CYP3A4: variants seen among roughly 807,000 people sequenced by gnomAD.
CYP3A4 encodes cytochrome P450 3A4.
A neutral mutation model predicts 54.9 loss-of-function variants in CYP3A4; 41 were observed. That is an observed-to-expected ratio of 0.75 (90% CI 0.58 to 0.97). The LOEUF (loss-of-function observed/expected upper bound fraction) is 0.97, where lower values mean the gene tolerates loss of function less well. CYP3A4 is among the 50% of genes least tolerant of loss of function. CYP3A4 has a pLI of 0.00. For missense variants in CYP3A4, 510 were observed against 597.3 expected (o/e 0.85, Z 1.52); for synonymous variants, 179 against 205.2 (o/e 0.87, Z 1.09).
At chr7:99,759,147 A>G (rs1407408590) in intron 12 of CYP3A4, among the ~76,000 whole-genome samples, 1 of 152,218 alleles carries the variant, frequency 6.6e-6, no homozygotes, top group Non-Finnish European at 1.5e-5. Flanking sequence ...TAAAGCCACA[A>G]ATAATATGGA....
intron 9 of CYP3A4, 121 bp downstream of exon 9, chr7:99,766,256 C>T (rs1815473381): frequency 8.4e-7 from 1 of 1,192,314 alleles, no homozygotes; most frequent in South Asian, 1.4e-5. Context: ...AACATTCAAA[C>T]ATGTGTCGTT....
At chr7:99,767,528 C>A (rs1030882709) in intron 7 of CYP3A4, among the ~76,000 whole-genome samples, 6 of 152,166 alleles carry the variant, frequency 3.9e-5, no homozygotes, top group African/African-American at 1.4e-4. Context: ...ATTCAATGCC[C>A]TAATCTCTTT....
Position 99,767,248 on chromosome 7 carries a change from T to C in CYP3A4, c.681A>G (p.Pro227=), listed in dbSNP as rs372351170. 5.7e-6 allele frequency: 9 copies of C among 1,587,070 alleles called. No homozygotes were observed. In the African/African-American group the frequency reaches 1.2e-4, roughly 22 times the overall value. The change falls in exon 8 of 13, where the codon CCA becomes CCG. Residue 227 remains proline, a synonymous_variant. Coordinates refer to ENST00000651514, the MANE Select transcript of CYP3A4 (RefSeq NM_017460.6). The part of the protein sequence containing the change: ...DPFFLSITVF[P]FLIPILEVLN... ...ATACTTCAAGAATTGGGATGAGGAATGGAAAGACTGCTGTAGGAAAAACAA... is the reference window on the plus strand; with the variant it reads ...ATACTTCAAGAATTGGGATGAGGAACGGAAAGACTGCTGTAGGAAAAACAA...
chr7:99,760,281 C>T (rs1366721414), intron 12 of CYP3A4, among the ~76,000 whole-genome samples: 2 of 152,196 alleles, frequency 1.3e-5, no homozygotes, highest in Non-Finnish European at 2.9e-5. Context: ...TAGTCATTCT[C>T]AACCTTGGCT....
intron 2 of CYP3A4, among the ~76,000 whole-genome samples, chr7:99,778,443 GA>G (rs1815828914): frequency 6.6e-6 from 1 of 152,188 alleles, no homozygotes; most frequent in Non-Finnish European, 1.5e-5. Context: ...GAGGCCAAGG[GA>G]AAGTGAATTA....
intron 3 of CYP3A4, among the ~76,000 whole-genome samples, chr7:99,777,263 A>AT (rs1815794499): frequency 6.6e-6 from 1 of 152,082 alleles, no homozygotes; most frequent in Non-Finnish European, 1.5e-5. Context: ...GAAAAAAAAA[A>AT]AGAAGAGGGG....
chr7:99,777,609 G>A lies in CYP3A4; in HGVS notation c.218+419C>T, dbSNP rs139676930. Reference sequence around the variant, plus strand: ...TAACAAAACTATCACAAAAGACTCCGCAAAACTACAAGCTTGCACAAAGGC... The same window carrying A: ...TAACAAAACTATCACAAAAGACTCCACAAAACTACAAGCTTGCACAAAGGC... On this transcript the variant is annotated intron_variant, in intron 3 of 12. Coordinates refer to ENST00000651514, the MANE Select transcript of CYP3A4 (RefSeq NM_017460.6). Among the ~76,000 whole-genome samples the A allele has an allele frequency of 5.5e-4, 83 of 151,652 alleles. No individual in the cohort carries two copies. The East Asian group carries it at 0.012, about 21-fold the overall frequency.
intron 1 of CYP3A4, among the ~76,000 whole-genome samples, chr7:99,782,531 G>A (rs1435588594): frequency 6.6e-6 from 1 of 152,110 alleles, no homozygotes; most frequent in African/African-American, 2.4e-5. Context: ...CCACAACATG[G>A]CAGACCACAC....
At chr7:99,763,513 G>A (rs1815392508) in intron 10 of CYP3A4, among the ~76,000 whole-genome samples, 2 of 152,312 alleles carry the variant, frequency 1.3e-5, no homozygotes, top group Middle Eastern at 3.4e-3. Flanking sequence ...GGTGCCTGCT[G>A]CAAACATGTA....
intron 3 of CYP3A4, among the ~76,000 whole-genome samples, chr7:99,774,758 A>C (rs537886450): frequency 4.9e-4 from 75 of 152,310 alleles, no homozygotes; most frequent in African/African-American, 1.7e-3. Context: ...AAAAACTAGA[A>C]GCATTCCCTT....
chr7:99,770,268 A>C (rs568641557), intron 4 of CYP3A4, 33 bp from the exon 5 acceptor site: 1 of 1,568,018 alleles, frequency 6.4e-7, no homozygotes, highest in African/African-American at 1.4e-5. Context: ...TTTGTCCTAC[A>C]TCAGTTGTGG....
intron 9 of CYP3A4, among the ~76,000 whole-genome samples, chr7:99,765,678 T>C (rs767176917): frequency 5.3e-5 from 8 of 152,206 alleles, no homozygotes; most frequent in Non-Finnish European, 8.8e-5. Context: ...TGGCTTGTAA[T>C]TGACCATGGT....
At chr7:99,766,344 C>T in intron 9 of CYP3A4, 33 bp downstream of exon 9, 1 of 1,609,462 alleles carries the variant, frequency 6.2e-7, no homozygotes, top group Non-Finnish European at 8.5e-7. Context: ...CTCTGAGTGC[C>T]CCACAAGTAG....
In CYP3A4 at chr7:99,780,236, T is replaced by C. The variant is rs372999202; in HGVS notation, c.72-151A>G. ...ACAGTAACTCTGACGGCAATGATTA[T>C]ATTTGTTCATCAGGTCCTTTCCTGC... is the stretch of plus-strand genomic sequence containing the variant. On this transcript the variant is annotated intron_variant, in intron 1 of 12. Transcript: ENST00000651514. 30 of 754,204 alleles carry C rather than the reference T, an allele frequency of 4.0e-5. No individual in the cohort carries two copies. In the African/African-American group the frequency reaches 4.8e-4, roughly 12 times the overall value. 46.7% of individuals were successfully genotyped at this position (754,204 alleles called of 1,614,324 possible). A position where few individuals can be genotyped will look rare whatever the true frequency, so the allele number is the denominator to read the frequency against.
intron 1 of CYP3A4, 98 bp downstream of exon 1, chr7:99,783,913 C>T: frequency 2.9e-6 from 4 of 1,400,860 alleles, no homozygotes; most frequent in Non-Finnish European, 4.0e-6. Flanking sequence ...CCGGCCTGAA[C>T]ATCTTTTTTG....
chr7:99,765,512 C>A (rs1015620354), intron 9 of CYP3A4, among the ~76,000 whole-genome samples: 1 of 151,784 alleles, frequency 6.6e-6, no homozygotes, highest in African/African-American at 2.4e-5. Context: ...AGATACATAG[C>A]TAGATAGATA....
intron 11 of CYP3A4, among the ~76,000 whole-genome samples, chr7:99,761,526 C>T (rs182271636): frequency 6.6e-6 from 1 of 152,200 alleles, no homozygotes; most frequent in East Asian, 1.9e-4. Context: ...TTCTCCCCCA[C>T]ACCTCCATAG....
chr7:99,765,878 A>T (rs1286427390), intron 9 of CYP3A4, among the ~76,000 whole-genome samples: 1 of 152,226 alleles, frequency 6.6e-6, no homozygotes, highest in Non-Finnish European at 1.5e-5. Context: ...ACACACTTTC[A>T]ACAAGTACTG....
Position 99,760,992 on chromosome 7 carries a change from G to A in CYP3A4, c.1254-11C>T, listed in dbSNP as rs12721620. On this transcript the variant is annotated splice_polypyrimidine_tract_variant and intron_variant, in intron 11 of 12. Transcript: ENST00000651514. ...TTCTTCTTGCTGAATCTGGTTCCAC[G>A]TTGGTAGATTTTTAAAAAGTTAATG... 0.015 allele frequency: 23,741 copies of A among 1,611,300 alleles called. 2,807 individuals are homozygous for A. In the African/African-American group the frequency reaches 0.27, roughly 18 times the overall value.
Sources: allele counts gnomAD v4.1 joint callset (sites outside exome capture counted in the v4.1 genomes callset), GRCh38; gene constraint gnomAD v4.1.1; transcripts MANE v1.5; gene names NCBI Gene and HGNC (gene_info 2026-07-23, HGNC 2026-07-21).